Variants in G2E3 observed in about 807,000 individuals in gnomAD.
G2E3 encodes G2/M phase-specific E3 ubiquitin-protein ligase.
In G2E3, 35 loss-of-function variants were observed where a neutral mutation model predicts 92.8. The observed-to-expected ratio is 0.38, with a 90% CI of 0.29 to 0.50. The LOEUF is 0.50. Among genes scored for constraint, G2E3 ranks in the 20% least tolerant of loss-of-function variants. The pLI is 0.94. For synonymous variants in G2E3, 242 were observed against 272.4 expected (o/e 0.89, Z 1.10); for missense variants, 554 against 823.8 (o/e 0.67, Z 4.01).
intron 1 of G2E3, among the ~76,000 whole-genome samples, chr14:30,563,710 TGTG>T (rs1879261523): frequency 7.2e-6 from 1 of 138,302 alleles, no homozygotes. Flanking sequence ...TGTGTGTGTG[TGTG>T]TGTGTGTGTG....
At chr14:30,590,097 C>T (rs1026802539) in intron 4 of G2E3, among the ~76,000 whole-genome samples, 5 of 152,152 alleles carry the variant, frequency 3.3e-5, no homozygotes, top group Admixed American at 1.3e-4. Flanking sequence ...TGCAGGGAAA[C>T]GTCTCCATAT....
intron 13 of G2E3, 24 bp downstream of exon 13, chr14:30,612,403 G>A (rs1396201481): frequency 7.1e-7 from 1 of 1,413,410 alleles, no homozygotes; most frequent in Non-Finnish European, 9.7e-7. Context: ...ATTAATATAT[G>A]GCTCTTTCAA....
intron 1 of G2E3, among the ~76,000 whole-genome samples, chr14:30,568,580 G>T (rs1879574701): frequency 6.6e-6 from 1 of 151,714 alleles, no homozygotes; most frequent in South Asian, 2.1e-4. Flanking sequence ...TATTCTTAGT[G>T]GCTATCTTGG....
chr14:30,586,127 C>G (rs1880700699), intron 2 of G2E3, among the ~76,000 whole-genome samples: 1 of 152,188 alleles, frequency 6.6e-6, no homozygotes, highest in Admixed American at 6.5e-5. Flanking sequence ...AGTTCTGAGG[C>G]AGGTGAAAGA....
chr14:30,568,319 C>A (rs910775828), intron 1 of G2E3, among the ~76,000 whole-genome samples: 1 of 152,022 alleles, frequency 6.6e-6, no homozygotes, highest in Non-Finnish European at 1.5e-5. Flanking sequence ...TATAGCTTGA[C>A]CCTAGTAGAT....
intron 2 of G2E3, among the ~76,000 whole-genome samples, chr14:30,581,656 C>T (rs533092053): frequency 2.0e-5 from 3 of 152,208 alleles, no homozygotes; most frequent in South Asian, 2.1e-4. Flanking sequence ...GAGCAGAGAT[C>T]GCACCACTAC....
At chr14:30,588,934 A>T (rs1880860875) in intron 3 of G2E3, among the ~76,000 whole-genome samples, 1 of 152,188 alleles carries the variant, frequency 6.6e-6, no homozygotes. Flanking sequence ...TCTTGTAAAT[A>T]ATGCCTTAAT....
At chr14:30,603,106 T>C (rs1881652728) in intron 10 of G2E3, among the ~76,000 whole-genome samples, 1 of 152,066 alleles carries the variant, frequency 6.6e-6, no homozygotes, top group Admixed American at 6.6e-5. Flanking sequence ...GGCGGGCGGA[T>C]CCCGAGGTCA....
intron 1 of G2E3, chr14:30,559,653 C>T (rs1451774901): frequency 6.6e-6 from 1 of 152,116 alleles, no homozygotes; most frequent in East Asian, 1.9e-4. Flanking sequence ...GAAGGCGTTG[C>T]CACGTTTAAA....
intron 1 of G2E3, among the ~76,000 whole-genome samples, chr14:30,575,440 A>G (rs1294617217): frequency 1.3e-5 from 2 of 152,180 alleles, no homozygotes; most frequent in Non-Finnish European, 2.9e-5. Flanking sequence ...GGCAAAAGCT[A>G]GAAGCATTCC....
At chr14:30,586,289 G>A (rs1227514503) in intron 2 of G2E3, among the ~76,000 whole-genome samples, 1 of 152,186 alleles carries the variant, frequency 6.6e-6, no homozygotes, top group African/African-American at 2.4e-5. Context: ...CAGCTGGGCA[G>A]TGGGGAATGG....
At chr14:30,588,562 T>C (rs1474315401) in intron 3 of G2E3, among the ~76,000 whole-genome samples, 1 of 152,184 alleles carries the variant, frequency 6.6e-6, no homozygotes, top group Non-Finnish European at 1.5e-5. Context: ...ACCCCAGACT[T>C]AACCCTTTTA....
At chr14:30,564,890 G>A (rs1879340416) in intron 1 of G2E3, among the ~76,000 whole-genome samples, 1 of 152,020 alleles carries the variant, frequency 6.6e-6, no homozygotes, top group African/African-American at 2.4e-5. Flanking sequence ...TTGTTTCTTT[G>A]TAATGTATTG....
At chr14:30,564,537 T>C (rs1250524856) in intron 1 of G2E3, among the ~76,000 whole-genome samples, 1 of 152,130 alleles carries the variant, frequency 6.6e-6, no homozygotes, top group Non-Finnish European at 1.5e-5. Context: ...TATCACCATG[T>C]TGTCCAGGCT....
chr14:30,567,430 C>T (rs538936819), intron 1 of G2E3, among the ~76,000 whole-genome samples: 112 of 152,058 alleles, frequency 7.4e-4, no homozygotes, highest in African/African-American at 2.6e-3. Flanking sequence ...CTTTTAACTT[C>T]TTAGAGTACA....
chr14:30,594,371 T>G (rs1594492516), intron 6 of G2E3, among the ~76,000 whole-genome samples: 1 of 152,340 alleles, frequency 6.6e-6, no homozygotes, highest in Non-Finnish European at 1.5e-5. Flanking sequence ...TTATTACTAA[T>G]TGTCCACAGA....
chr14:30,591,879 C>T (rs575842506), intron 4 of G2E3, among the ~76,000 whole-genome samples: 6 of 152,212 alleles, frequency 3.9e-5, no homozygotes, highest in African/African-American at 1.4e-4. Context: ...AACACTTTTT[C>T]ATTTGGTCAG....
intron 4 of G2E3, among the ~76,000 whole-genome samples, chr14:30,591,563 G>A (rs943294801): frequency 3.3e-5 from 5 of 152,090 alleles, no homozygotes; most frequent in Non-Finnish European, 5.9e-5. Flanking sequence ...TTCTCCCCTA[G>A]CTTCACATGG....
intron 1 of G2E3, chr14:30,577,850 A>G: frequency 6.6e-6 from 1 of 152,362 alleles, no homozygotes; most frequent in East Asian, 1.9e-4. Context: ...AGTAGAGGTA[A>G]GCAGTGGAGG....
Sources: gnomAD v4.1 joint callset for allele counts (sites outside exome capture counted in the v4.1 genomes callset) on GRCh38, gnomAD v4.1.1 for gene constraint, MANE v1.5 for transcripts, NCBI Gene and HGNC (gene_info 2026-07-23, HGNC 2026-07-21) for gene names.